TRHDE: variants seen among roughly 807,000 people sequenced by gnomAD.
The protein encoded by TRHDE is thyrotropin releasing hormone degrading enzyme, also known as thyrotropin-releasing hormone-degrading ectoenzyme.
TRHDE carries 72 observed loss-of-function variants against 125.7 expected under a neutral mutation model. That is an observed-to-expected ratio of 0.57 (90% CI 0.47 to 0.70). The LOEUF (loss-of-function observed/expected upper bound fraction) is 0.70. Ranked by LOEUF, TRHDE falls within the 30% of genes least tolerant of loss-of-function variation. TRHDE has a pLI of 0.00. For missense variants in TRHDE, 1,110 were observed against 1,327.1 expected, an observed-to-expected ratio of 0.84 and a Z score of 2.54; for synonymous variants, 509 against 509.1, an observed-to-expected ratio of 1.00 and a Z score of 0.00.
intron 7 of TRHDE, among the ~76,000 whole-genome samples, chr12:72,560,337 T>C (rs900415736): frequency 1.3e-5 from 2 of 152,220 alleles, no homozygotes; most frequent in East Asian, 3.8e-4. Flanking sequence ...TTCAAACTGA[T>C]GATACTAGGA....
intron 3 of TRHDE, among the ~76,000 whole-genome samples, chr12:72,410,942 C>T (rs1873472500): frequency 6.6e-6 from 1 of 151,772 alleles, no homozygotes; most frequent in South Asian, 2.1e-4. Flanking sequence ...CCTGTAATCC[C>T]AGCCCTTTGG....
At chr12:72,343,339 C>A (rs1043742109) in intron 2 of TRHDE, among the ~76,000 whole-genome samples, 1 of 151,830 alleles carries the variant, frequency 6.6e-6, no homozygotes. Flanking sequence ...ACAAAACAGT[C>A]GGCCGTTTAT....
chr12:72,332,678 A>G (rs986477313), intron 2 of TRHDE, among the ~76,000 whole-genome samples: 1 of 152,346 alleles, frequency 6.6e-6, no homozygotes, highest in Admixed American at 6.5e-5. Context: ...TATTTATTGA[A>G]TATTTTCTAC....
intron 12 of TRHDE, among the ~76,000 whole-genome samples, chr12:72,596,843 C>T (rs1871962049): frequency 6.6e-6 from 1 of 152,004 alleles, no homozygotes; most frequent in Non-Finnish European, 1.5e-5. Context: ...AGGAGGAAAA[C>T]ATTTTAAAAA....
chr12:72,534,512 T>C (rs1868744899), intron 6 of TRHDE, among the ~76,000 whole-genome samples: 6 of 152,244 alleles, frequency 3.9e-5, no homozygotes, highest in Admixed American at 3.9e-4. Context: ...AGATATATGC[T>C]GAATTTCTTG....
chr12:72,326,970 T>G (rs944792759), intron 2 of TRHDE, among the ~76,000 whole-genome samples: 6 of 152,200 alleles, frequency 3.9e-5, no homozygotes, highest in African/African-American at 7.2e-5. Flanking sequence ...ACCTACAAGC[T>G]CTACAGTTCT....
At chr12:72,191,635 G>A (rs894866982) in intron 2 of TRHDE, among the ~76,000 whole-genome samples, 6 of 152,034 alleles carry the variant, frequency 3.9e-5, no homozygotes, top group African/African-American at 1.4e-4. Context: ...TGATTATAAT[G>A]TACCCTTAAA....
intron 3 of TRHDE, among the ~76,000 whole-genome samples, chr12:72,403,792 G>T (rs1873146265): frequency 6.6e-6 from 1 of 152,164 alleles, no homozygotes; most frequent in African/African-American, 2.4e-5. Context: ...GTCTGAAGTG[G>T]ATAGTCAGAA....
chr12:72,602,083 T>C (rs1555201169), intron 12 of TRHDE, among the ~76,000 whole-genome samples: 1 of 152,272 alleles, frequency 6.6e-6, no homozygotes, highest in South Asian at 2.1e-4. Flanking sequence ...CCCCCACACA[T>C]CCTTCTGAAG....
chr12:72,121,720 CTTTTTTTT>C (rs57483232), intron 2 of TRHDE, among the ~76,000 whole-genome samples: 5 of 111,952 alleles, frequency 4.5e-5, no homozygotes, highest in African/African-American at 1.7e-4. Context: ...ACGAAGGTGC[CTTTTTTTT>C]TTTTTTTTTT....
At chr12:72,370,545 T>C (rs1871530670) in intron 2 of TRHDE, among the ~76,000 whole-genome samples, 1 of 152,182 alleles carries the variant, frequency 6.6e-6, no homozygotes, top group Non-Finnish European at 1.5e-5. Flanking sequence ...TCTCTTTACT[T>C]CTTCAGTGTC....
rs763168787 is a variant in TRHDE, at chr12:72,653,151, T to C, written c.2979T>C (p.Asn993=). The part of the protein sequence containing the change: ...KFFRDKWKIL[N]TRYGEALFMN... The stretch of plus-strand genomic sequence containing the variant: ...TCAGGGATAAATGGAAGATATTAAA[T>C]ACCAGGTAGAAATTAGAATTCTTAC... Residue 993 remains asparagine, a synonymous_variant, in exon 17 of 19, where the codon AAT becomes AAC. Transcript: ENST00000261180. 5.2e-5 allele frequency: 83 copies of C among 1,606,140 alleles called. No homozygotes were observed. The highest frequency in any genetic ancestry group is 6.9e-5 in the Non-Finnish European group (81 of 1,176,318).
rs1290641552 is a variant in TRHDE, at chr12:72,664,798, C to T, written c.*1603C>T. The T allele has an allele frequency of 2.0e-5, 3 of 152,048 alleles. No homozygotes were observed. Among genetic ancestry groups the T allele is most frequent in the African/African-American group, 7.2e-5 (3 of 41,490 alleles). The allele number at this position is 152,048 out of a possible 1,614,324, so 9.4% of individuals were successfully genotyped here. A position where few individuals can be genotyped will look rare whatever the true frequency, so the allele number is the denominator to read the frequency against. ...TAATTAGACATTTTAAGAACCAGAGCCATAGAATTATTTTAAATTAGTAGA... is the reference window on the plus strand; with the variant it reads ...TAATTAGACATTTTAAGAACCAGAGTCATAGAATTATTTTAAATTAGTAGA... On this transcript the variant is annotated 3_prime_UTR_variant, in exon 19 of 19. Coordinates refer to ENST00000261180, the MANE Select transcript of TRHDE (RefSeq NM_013381.3).
intron 5 of TRHDE, among the ~76,000 whole-genome samples, chr12:72,489,157 G>A (rs1033044293): frequency 3.4e-5 from 5 of 145,684 alleles, no homozygotes; most frequent in African/African-American, 1.3e-4. Flanking sequence ...AATCAGAGCA[G>A]AAATAAATCA....
intron 2 of TRHDE, among the ~76,000 whole-genome samples, chr12:72,141,738 T>C (rs1006030464): frequency 2.6e-5 from 4 of 152,204 alleles, no homozygotes; most frequent in Admixed American, 2.0e-4. Flanking sequence ...ATGTAGGTAG[T>C]ACAGTAGAAG....
chr12:72,566,954 A>G (rs976328570), intron 9 of TRHDE, among the ~76,000 whole-genome samples: 2 of 151,968 alleles, frequency 1.3e-5, no homozygotes, highest in Non-Finnish European at 2.9e-5. Context: ...TAGGTACACA[A>G]AAATGAGCTT....
intron 2 of TRHDE, among the ~76,000 whole-genome samples, chr12:72,327,874 G>A (rs756467984): frequency 1.2e-4 from 18 of 152,130 alleles, no homozygotes; most frequent in Admixed American, 7.9e-4. Context: ...AATTTGTTTC[G>A]CTCAGGCTTC....
At chr12:72,605,809 T>C (rs918455563) in intron 12 of TRHDE, among the ~76,000 whole-genome samples, 2 of 152,144 alleles carry the variant, frequency 1.3e-5, no homozygotes, top group African/African-American at 4.8e-5. Flanking sequence ...CCATTTTCTA[T>C]TATTCATTAT....
At chr12:72,127,829 G>C (rs1431696452) in intron 2 of TRHDE, among the ~76,000 whole-genome samples, 1 of 151,946 alleles carries the variant, frequency 6.6e-6, no homozygotes, top group African/African-American at 2.4e-5. Flanking sequence ...AATAAAATTT[G>C]AAATGTATAT....
Sources: gnomAD v4.1 joint callset for allele counts (sites outside exome capture counted in the v4.1 genomes callset) on GRCh38, gnomAD v4.1.1 for gene constraint, MANE v1.5 for transcripts, NCBI Gene and HGNC (gene_info 2026-07-23, HGNC 2026-07-21) for gene names.